PTK2B: variants seen among roughly 807,000 people sequenced by gnomAD.
PTK2B encodes the protein protein tyrosine kinase 2 beta, also known as protein-tyrosine kinase 2-beta.
Under a neutral mutation model 142.9 loss-of-function variants are expected in PTK2B, and 71 were observed. That is an observed-to-expected ratio of 0.50 (90% CI 0.41 to 0.61). The LOEUF (loss-of-function observed/expected upper bound fraction) is 0.61. Among genes scored for constraint, PTK2B ranks in the 20% least tolerant of loss-of-function variants. The pLI is 0.00. For missense variants in PTK2B, 1,105 were observed against 1,320.4 expected, an observed-to-expected ratio of 0.84 and a Z score of 2.53; for synonymous variants, 519 against 503.4, an observed-to-expected ratio of 1.03 and a Z score of -0.42.
Position 27,319,044 on chromosome 8 carries a change from A to G in PTK2B, c.-413-3358A>G, listed in dbSNP as rs574725274. The stretch of plus-strand genomic sequence containing the variant: ...CCCAAATCAATTTTTCAATGGTTTA[A>G]CTATGTCTTTATTTTTCCCAAAGAG... On this transcript the variant is annotated intron_variant, in intron 3 of 35. Coordinates refer to the PTK2B transcript ENST00000397501. Among the ~76,000 whole-genome samples the G allele has an allele frequency of 2.4e-4, 36 of 152,240 alleles. No homozygotes were observed. The South Asian group carries it at 7.5e-3, about 32-fold the overall frequency.
intron 2 of PTK2B, among the ~76,000 whole-genome samples, chr8:27,398,088 T>G: frequency 6.6e-6 from 1 of 152,268 alleles, no homozygotes; most frequent in East Asian, 1.9e-4. Context: ...TACTTGAAGC[T>G]CTGCAAGGGA....
intron 21 of PTK2B, among the ~76,000 whole-genome samples, chr8:27,442,255 A>G (rs769767149): frequency 3.3e-5 from 5 of 152,204 alleles, no homozygotes; most frequent in Non-Finnish European, 7.3e-5. Flanking sequence ...ATCAAGTGTC[A>G]CATATTCAGT....
At chr8:27,358,035 C>A (rs1805485520) in intron 1 of PTK2B, among the ~76,000 whole-genome samples, 1 of 152,184 alleles carries the variant, frequency 6.6e-6, no homozygotes, top group African/African-American at 2.4e-5. Context: ...CATTGGATTT[C>A]TATGGGGTTG....
intron 1 of PTK2B, among the ~76,000 whole-genome samples, chr8:27,364,894 T>C (rs1478470734): frequency 6.6e-6 from 1 of 152,166 alleles, no homozygotes; most frequent in African/African-American, 2.4e-5. Flanking sequence ...ATCAATGCAT[T>C]TGTCACTCGA....
chr8:27,313,528 A>G (rs1310679032), intron 3 of PTK2B, among the ~76,000 whole-genome samples: 1 of 152,186 alleles, frequency 6.6e-6, no homozygotes, highest in Admixed American at 6.5e-5. Flanking sequence ...CTGGGACTTC[A>G]TATGCTGGCC....
chr8:27,450,966 G>T, intron 25 of PTK2B, 71 bp downstream of exon 25: 1 of 1,611,580 alleles, frequency 6.2e-7, no homozygotes, highest in South Asian at 1.1e-5. Flanking sequence ...CAGGTGGCTG[G>T]GGCAAGGGTC....
At chr8:27,380,633 TA>T (rs1586197635) in intron 1 of PTK2B, 1 of 152,146 alleles carries the variant, frequency 6.6e-6, no homozygotes, top group East Asian at 1.9e-4. Flanking sequence ...TGCTCTAAAA[TA>T]AGAGACTCAG....
At chr8:27,425,543 C>T (rs1215156506) in intron 5 of PTK2B, among the ~76,000 whole-genome samples, 2 of 152,106 alleles carry the variant, frequency 1.3e-5, no homozygotes, top group Admixed American at 6.6e-5. Flanking sequence ...TGCACAGCCT[C>T]CCCCACTATC....
intron 2 of PTK2B, among the ~76,000 whole-genome samples, chr8:27,417,373 A>C (rs1260514614): frequency 5.3e-5 from 8 of 152,192 alleles, no homozygotes; most frequent in Non-Finnish European, 8.8e-5. Flanking sequence ...GAAGTTCTAG[A>C]ACAGGCAAAA....
intron 1 of PTK2B, among the ~76,000 whole-genome samples, chr8:27,336,997 C>T (rs974916596): frequency 2.0e-5 from 3 of 148,820 alleles, no homozygotes; most frequent in African/African-American, 7.4e-5. Context: ...CCGCCACTGC[C>T]AGTTTTTTAA....
At chr8:27,456,857 C>G (rs559270811) in intron 30 of PTK2B, among the ~76,000 whole-genome samples, 1 of 152,186 alleles carries the variant, frequency 6.6e-6, no homozygotes. Flanking sequence ...GCCACAACAT[C>G]CCCTTATGCC....
chr8:27,433,931 C>T (rs889123920), intron 11 of PTK2B, among the ~76,000 whole-genome samples, 162 bp from the exon 12 acceptor site: 8 of 152,212 alleles, frequency 5.3e-5, no homozygotes, highest in Admixed American at 1.3e-4. Context: ...AAGGAGGATT[C>T]CACTTCTGGC....
At chr8:27,375,206 G>C (rs977576698) in intron 1 of PTK2B, among the ~76,000 whole-genome samples, 1 of 152,218 alleles carries the variant, frequency 6.6e-6, no homozygotes, top group Non-Finnish European at 1.5e-5. Context: ...AGTTTCTGGG[G>C]CAGAAGGAAG....
intron 1 of PTK2B, among the ~76,000 whole-genome samples, chr8:27,336,499 T>G (rs1563198703): frequency 6.6e-6 from 1 of 152,188 alleles, no homozygotes; most frequent in Non-Finnish European, 1.5e-5. Context: ...GTGCCTGATA[T>G]AAGGCAGCTC....
At chr8:27,424,219 C>G (rs1226995110) in intron 5 of PTK2B, among the ~76,000 whole-genome samples, 1 of 150,180 alleles carries the variant, frequency 6.7e-6, no homozygotes, top group African/African-American at 2.5e-5. Flanking sequence ...GCAGTCATCA[C>G]TTAGTTGTAA....
At chr8:27,320,772 C>G (rs1803193573), upstream of PTK2B, among the ~76,000 whole-genome samples, 1 of 151,958 alleles carries the variant, frequency 6.6e-6, no homozygotes, top group Non-Finnish European at 1.5e-5. Context: ...AGGAAGGCTT[C>G]TTTATGTAGG....
At chr8:27,331,074 C>T (rs1239998827) in intron 1 of PTK2B, among the ~76,000 whole-genome samples, 1 of 152,212 alleles carries the variant, frequency 6.6e-6, no homozygotes, top group Non-Finnish European at 1.5e-5. Context: ...CACACAGAAT[C>T]TGGTAAGATC....
chr8:27,314,250 T>C (rs1157715171), intron 3 of PTK2B, among the ~76,000 whole-genome samples: 1 of 152,220 alleles, frequency 6.6e-6, no homozygotes, highest in Non-Finnish European at 1.5e-5. Context: ...AGGTCTTCAT[T>C]CTGAAGGCTC....
chr8:27,393,818 G>A (rs2131352166), intron 1 of PTK2B, among the ~76,000 whole-genome samples: 1 of 152,098 alleles, frequency 6.6e-6, no homozygotes, highest in Non-Finnish European at 1.5e-5. Flanking sequence ...ATTTGTCACA[G>A]TCCATGAACC....
Sources: gnomAD v4.1 joint callset for allele counts (sites outside exome capture counted in the v4.1 genomes callset) on GRCh38, gnomAD v4.1.1 for gene constraint, MANE v1.5 for transcripts, NCBI Gene and HGNC (gene_info 2026-07-23, HGNC 2026-07-21) for gene names.